Variants in ITGA11 observed in about 807,000 individuals in gnomAD.
The protein encoded by ITGA11 is integrin alpha-11.
A neutral mutation model predicts 141.9 loss-of-function variants in ITGA11; 97 were observed. The observed-to-expected ratio is 0.68, with a 90% confidence interval of 0.58 to 0.81. The LOEUF (loss-of-function observed/expected upper bound fraction) is 0.81, where lower values mean the gene tolerates loss of function less well. Ranked by LOEUF, ITGA11 falls within the 30% of genes least tolerant of loss-of-function variation. The probability of loss-of-function intolerance (pLI) is 0.00; values close to 1 mark genes in which losing one functional copy is unlikely to be tolerated. For missense variants in ITGA11, 1,387 were observed against 1,559.2 expected (o/e 0.89, Z 1.86); for synonymous variants, 658 against 624.6 (o/e 1.05, Z -0.80).
chr15:68,432,046 C>T lies in ITGA11; in HGVS notation c.21G>A (p.Leu7=), dbSNP rs1031587205. ...ACAGGCTGAGCGCCCAGGCCACCAC[C>T]AGGCCCCTGGGCAGGTCCATGGCCC... MDLPRG[L]VVAWALSLWP... The change falls in exon 1 of 30, where the codon CTG becomes CTA. Residue 7 remains leucine (L), a synonymous_variant. Coordinates refer to ENST00000315757, the MANE Select transcript of ITGA11 (RefSeq NM_001004439.2). 3.0e-6 allele frequency: 4 copies of T among 1,348,974 alleles called. No individual in the cohort carries two copies. The African/African-American group carries it at 4.6e-5, about 16-fold the overall frequency. 83.6% of individuals were successfully genotyped at this position (1,348,974 alleles called of 1,614,324 possible). A position where few individuals can be genotyped will look rare whatever the true frequency, so the allele number is the denominator to read the frequency against.
At chr15:68,413,117 G>C (rs1461277790) in intron 1 of ITGA11, among the ~76,000 whole-genome samples, 1 of 152,148 alleles carries the variant, frequency 6.6e-6, no homozygotes, top group Non-Finnish European at 1.5e-5. Flanking sequence ...GTGGATGTTG[G>C]GGTTAGGACT....
intron 2 of ITGA11, among the ~76,000 whole-genome samples, chr15:68,379,137 G>A (rs773217543): frequency 5.0e-4 from 76 of 152,132 alleles, no homozygotes; most frequent in Non-Finnish European, 9.1e-4. Flanking sequence ...CCAGTCACAC[G>A]CGGCTGCTCG....
intron 2 of ITGA11, among the ~76,000 whole-genome samples, chr15:68,382,595 G>A (rs1330965639): frequency 1.8e-4 from 28 of 152,194 alleles, no homozygotes; most frequent in Admixed American, 1.8e-3. Context: ...AACCCCTGAA[G>A]AGGCCAAGAT....
chr15:68,357,558 C>T (rs750632222), intron 6 of ITGA11, among the ~76,000 whole-genome samples: 1 of 152,168 alleles, frequency 6.6e-6, no homozygotes, highest in Non-Finnish European at 1.5e-5. Flanking sequence ...AAAGGCCCAA[C>T]AATTATGCTT....
intron 2 of ITGA11, among the ~76,000 whole-genome samples, chr15:68,393,097 T>C (rs1016169317): frequency 5.3e-5 from 8 of 151,806 alleles, no homozygotes; most frequent in Non-Finnish European, 8.8e-5. Flanking sequence ...TAATAAAGAG[T>C]ATATCGAATG....
At chr15:68,319,619 G>C (rs563969616) in intron 20 of ITGA11, among the ~76,000 whole-genome samples, 1 of 152,224 alleles carries the variant, frequency 6.6e-6, no homozygotes, top group African/African-American at 2.4e-5. Flanking sequence ...GGGAAGAACC[G>C]GTTCTGATTC....
chr15:68,317,879 G>C (rs541513446), intron 20 of ITGA11, among the ~76,000 whole-genome samples: 2 of 152,328 alleles, frequency 1.3e-5, no homozygotes, highest in Non-Finnish European at 2.9e-5. Context: ...GTGGATGTGA[G>C]CATGTGTCTG....
At position 68,364,789 on chromosome 15, in the gene ITGA11, G is replaced by A; in HGVS notation, c.275C>T (p.Thr92Ile). ...TTTCCGCTCGGACACGTTGGACAGG[G>A]TGACCCTTCCTGGGGTTGGGGGAGA... Reference protein sequence around the residue: ...NCTKLNLGRVTLSNVSERKDN... With the variant: ...NCTKLNLGRVILSNVSERKDN... Residue 92 changes from threonine to isoleucine, a missense_variant, in exon 4 of 30, where the codon ACC (threonine) becomes ATC (isoleucine). Coordinates refer to ENST00000315757, the MANE Select transcript of ITGA11 (RefSeq NM_001004439.2). 6.2e-7 allele frequency: 1 copy of A among 1,613,808 alleles called. No individual in the cohort carries two copies. The highest frequency in any genetic ancestry group is 8.5e-7 in the Non-Finnish European group (1 of 1,179,824).
At chr15:68,389,163 G>A (rs542104323) in intron 2 of ITGA11, among the ~76,000 whole-genome samples, 4 of 152,088 alleles carry the variant, frequency 2.6e-5, no homozygotes, top group East Asian at 1.9e-4. Context: ...TTCACAATCC[G>A]CTCTCAATTC....
Position 68,326,534 on chromosome 15 carries a change from G to C in ITGA11, c.2211+120C>G. The C allele has an allele frequency of 8.9e-7, 1 of 1,124,368 alleles. No individual in the cohort carries two copies. Among genetic ancestry groups the C allele is most frequent in the South Asian group, 1.6e-5 (1 of 61,060 alleles). 69.6% of individuals were successfully genotyped at this position (1,124,368 alleles called of 1,614,324 possible). A position where few individuals can be genotyped will look rare whatever the true frequency, so the allele number is the denominator to read the frequency against. On this transcript the variant is annotated intron_variant, in intron 17 of 29. Coordinates refer to ENST00000315757, the MANE Select transcript of ITGA11 (RefSeq NM_001004439.2). The surrounding 1 kb of genome is among the most constrained non-coding windows in gnomAD (Gnocchi z 6.8). ...GCCAAGGTCAGGGTACACTGTCCCTGGCTGGCTTCCTGAGGTCTGCTGGGG... is the reference window on the plus strand; with the variant it reads ...GCCAAGGTCAGGGTACACTGTCCCTCGCTGGCTTCCTGAGGTCTGCTGGGG...
chr15:68,355,604 G>A (rs1235179871), intron 7 of ITGA11, among the ~76,000 whole-genome samples: 1 of 151,724 alleles, frequency 6.6e-6, no homozygotes, highest in Non-Finnish European at 1.5e-5. Flanking sequence ...GTACCACCAT[G>A]CCTGGCTAAT....
chr15:68,356,530 C>T (rs1172639408), intron 7 of ITGA11, among the ~76,000 whole-genome samples: 1 of 152,210 alleles, frequency 6.6e-6, no homozygotes, highest in Non-Finnish European at 1.5e-5. Flanking sequence ...CTCACAGAAC[C>T]TACTTCTTAT....
chr15:68,386,847 T>C (rs893645470), intron 2 of ITGA11, among the ~76,000 whole-genome samples: 7 of 152,054 alleles, frequency 4.6e-5, no homozygotes, highest in Non-Finnish European at 1.0e-4. Context: ...CCTTCCCTCC[T>C]CTCGTGGGTA....
rs1595847437 is a variant in ITGA11, at chr15:68,304,702, C to T, written c.3382-817G>A. On this transcript the variant is annotated intron_variant, in intron 28 of 29. Coordinates refer to ENST00000315757, the MANE Select transcript of ITGA11 (RefSeq NM_001004439.2). This position sits in a 1 kb window ranked among gnomAD's most constrained non-coding sequence, Gnocchi z 6.1. The stretch of plus-strand genomic sequence containing the variant: ...GGCCCCTAACCAAGCTCTTAACACC[C>T]CAGCCCCCGAAGCCTGCTCTTTCCA... 6.6e-6 allele frequency among the ~76,000 whole-genome samples: 1 copy of T among 152,170 alleles called. No individual in the cohort carries two copies. The highest frequency in any genetic ancestry group is 6.5e-5 in the Admixed American group (1 of 15,282).
intron 1 of ITGA11, among the ~76,000 whole-genome samples, chr15:68,405,751 C>T (rs555650530): frequency 6.6e-6 from 1 of 152,214 alleles, no homozygotes; most frequent in East Asian, 1.9e-4. Context: ...ACACCAGTGT[C>T]ACCTGTGCAG....
intron 10 of ITGA11, among the ~76,000 whole-genome samples, chr15:68,342,386 G>T (rs1595868088): frequency 6.6e-6 from 1 of 152,342 alleles, no homozygotes; most frequent in East Asian, 1.9e-4. Context: ...CCCACAAGCT[G>T]ATTTTCCTGG....
chr15:68,304,941 C>A lies in ITGA11; in HGVS notation c.3382-1056G>T, dbSNP rs551174338. ...CTCCTCTGGAGACTACAGCGCTGCCCGACTGCCTCCCCTCTGCAGTTTGTT... is the reference window on the plus strand; with the variant it reads ...CTCCTCTGGAGACTACAGCGCTGCCAGACTGCCTCCCCTCTGCAGTTTGTT... On this transcript the variant is annotated intron_variant, in intron 28 of 29. Transcript: ENST00000315757. The surrounding 1 kb of genome is among the most constrained non-coding windows in gnomAD (Gnocchi z 6.1). Among the ~76,000 whole-genome samples, 2 of 152,372 alleles carry A rather than the reference C, an allele frequency of 1.3e-5. No homozygotes were observed. The highest frequency in any genetic ancestry group is 4.8e-5 in the African/African-American group (2 of 41,586).
intron 1 of ITGA11, among the ~76,000 whole-genome samples, chr15:68,403,458 C>T (rs1241884919): frequency 6.6e-6 from 1 of 151,994 alleles, no homozygotes; most frequent in African/African-American, 2.4e-5. Flanking sequence ...TGGGGCCTCC[C>T]CCCTCTCTTT....
At chr15:68,406,824 G>A (rs11635082) in intron 1 of ITGA11, among the ~76,000 whole-genome samples, 55,857 of 151,954 alleles carry the variant, frequency 0.37, 10,735 homozygotes, top group East Asian at 0.49. Flanking sequence ...AATGATGAGC[G>A]CTGATATATT....
Sources: allele counts gnomAD v4.1 joint callset (sites outside exome capture counted in the v4.1 genomes callset), GRCh38; gene constraint gnomAD v4.1.1; non-coding constraint Gnocchi (gnomAD v3.1); transcripts MANE v1.5; gene names NCBI Gene and HGNC (gene_info 2026-07-23, HGNC 2026-07-21).